Variants in NAV3 observed in about 807,000 individuals in gnomAD.
The protein encoded by NAV3 is neuron navigator 3, also known as pore membrane and/or filament interacting like protein 1.
In NAV3, 87 loss-of-function variants were observed where a neutral mutation model predicts 244.7. The ratio of observed to expected loss-of-function variants is 0.36; its 90% confidence interval spans 0.30 to 0.42. The LOEUF (loss-of-function observed/expected upper bound fraction) is 0.42, where lower values mean the gene tolerates loss of function less well. NAV3 is among the 20% of genes least tolerant of loss of function. NAV3 has a pLI of 1.00. For missense variants in NAV3, 2,663 were observed against 2,893.3 expected, an observed-to-expected ratio of 0.92 and a Z score of 1.83; for synonymous variants, 1,126 against 1,042.2, an observed-to-expected ratio of 1.08 and a Z score of -1.55.
At chr12:77,755,511 G>GCCTTGCCTTGCCTTTCCTTTCCTTT (rs1555201781) in intron 2 of NAV3, among the ~76,000 whole-genome samples, 1 of 17,696 alleles carries the variant, frequency 5.7e-5, no homozygotes, top group Non-Finnish European at 1.0e-4. Context: ...CCCTCCCTGT[G>GCCTTGCCTTGCCTTTCCTTTCCTTT]CCTTTCCTTT....
At position 77,930,986 on chromosome 12, in the gene NAV3, C is replaced by T. The variant is rs571860897; in HGVS notation, c.244-9333C>T. Among the ~76,000 whole-genome samples, 12 of 152,148 alleles carry T rather than the reference C, an allele frequency of 7.9e-5. No homozygotes were observed. The South Asian group carries it at 1.5e-3, about 18-fold the overall frequency. ...TTCTTTGTGCCCCACCCTCCTGAAG[C>T]TTTTAGAATATTCTTTTTATCCCTG... is the stretch of plus-strand genomic sequence containing the variant. On this transcript the variant is annotated intron_variant, in intron 1 of 39. Coordinates refer to ENST00000397909, the MANE Select transcript of NAV3 (RefSeq NM_001024383.2).
At chr12:77,607,871 TGTA>T in intron 2 of NAV3, among the ~76,000 whole-genome samples, 1 of 152,120 alleles carries the variant, frequency 6.6e-6, no homozygotes, top group Admixed American at 6.6e-5. Flanking sequence ...CCCAGCATTT[TGTA>T]AAGTTGCCCC....
chr12:77,692,164 A>T (rs1214720864), intron 2 of NAV3, among the ~76,000 whole-genome samples: 1 of 152,020 alleles, frequency 6.6e-6, no homozygotes, highest in Non-Finnish European at 1.5e-5. Context: ...CAAAAAGAAG[A>T]AGTACTAGGA....
intron 1 of NAV3, among the ~76,000 whole-genome samples, chr12:77,837,173 G>T (rs1388446054): frequency 6.6e-6 from 1 of 151,254 alleles, no homozygotes; most frequent in Non-Finnish European, 1.5e-5. Context: ...TGAGCAGATA[G>T]GACTCAGATA....
chr12:77,755,051 G>A (rs1041385445), intron 2 of NAV3, among the ~76,000 whole-genome samples: 2 of 152,062 alleles, frequency 1.3e-5, no homozygotes, highest in African/African-American at 4.8e-5. Context: ...TTCCAAACCT[G>A]AATAATTTAA....
At position 78,128,734 on chromosome 12, in the gene NAV3, C is replaced by A. The variant is rs779495534; in HGVS notation, c.4309C>A (p.Gln1437Lys). The stretch of plus-strand genomic sequence containing the variant: ...TACCCCATCATCTCGGCAGGCCAAC[C>A]AAGAAGAGGGCAAAGAGTGGTTGCG... Reference protein sequence around the residue: ...RYTPSSRQANQEEGKEWLRSH... With the variant: ...RYTPSSRQANKEEGKEWLRSH... Residue 1437 changes from glutamine (Q) to lysine (K), a missense_variant, in exon 18 of 40, where the codon CAA becomes AAA. Around this residue, in one of 6 missense-constraint regions of NAV3, gnomAD observed 354 missense variants for 413.0 expected, o/e 0.86. Transcript: ENST00000397909. The A allele has an allele frequency of 1.2e-6, 2 of 1,613,942 alleles. No homozygotes were observed. The highest frequency in any genetic ancestry group is 1.7e-6 in the Non-Finnish European group (2 of 1,179,910).
chr12:78,169,110 G>C (rs1282145228), intron 24 of NAV3, among the ~76,000 whole-genome samples: 1 of 151,712 alleles, frequency 6.6e-6, no homozygotes, highest in Non-Finnish European at 1.5e-5. Context: ...CTGATCTTAA[G>C]AAATTTGGTT....
At chr12:77,922,265 TG>T (rs775692319) in intron 1 of NAV3, among the ~76,000 whole-genome samples, 6 of 152,146 alleles carry the variant, frequency 3.9e-5, no homozygotes, top group Non-Finnish European at 8.8e-5. Context: ...GAGGTTTTTT[TG>T]GGTTTTGTTT....
At chr12:78,032,707 G>C (rs1566038857) in intron 9 of NAV3, among the ~76,000 whole-genome samples, 2 of 152,098 alleles carry the variant, frequency 1.3e-5, no homozygotes, top group Non-Finnish European at 2.9e-5. Context: ...CAATATTACA[G>C]TGCTGGCTGA....
chr12:78,181,018 T>C lies in NAV3; in HGVS notation c.5665T>C (p.Leu1889=), dbSNP rs1262631092. The C allele has an allele frequency of 1.9e-6, 3 of 1,613,052 alleles. No individual in the cohort carries two copies. Among genetic ancestry groups the C allele is most frequent in the East Asian group, 2.2e-5 (1 of 44,818 alleles). ...RQSLGLSLNN[L]NITEAVSSDI... is the part of the protein sequence containing the mutation. ...GTCATTAGGACTTTCTCTAAACAAT[T>C]TGAACATCACAGAGGCTGTTAGCTC... Residue 1889 remains leucine, a synonymous_variant, in exon 30 of 40, where the codon TTG becomes CTG. Transcript: ENST00000397909.
chr12:77,990,621 T>C (rs183632509), intron 5 of NAV3, among the ~76,000 whole-genome samples: 1 of 152,336 alleles, frequency 6.6e-6, no homozygotes, highest in African/African-American at 2.4e-5. Flanking sequence ...GTTTCAACAA[T>C]TCAAAATAAT....
At chr12:77,949,635 C>T (rs1890687521) in intron 3 of NAV3, among the ~76,000 whole-genome samples, 1 of 151,878 alleles carries the variant, frequency 6.6e-6, no homozygotes, top group South Asian at 2.1e-4. Flanking sequence ...ATAGCCTCCC[C>T]CAATATCATC....
Position 78,191,294 on chromosome 12 carries a change from T to A in NAV3, c.6291+1075T>A, listed in dbSNP as rs997776711. 7.9e-5 allele frequency among the ~76,000 whole-genome samples: 12 copies of A among 152,164 alleles called. 1 individual carries two copies. On this transcript the variant is annotated intron_variant, in intron 34 of 39. Coordinates refer to ENST00000397909, the MANE Select transcript of NAV3 (RefSeq NM_001024383.2). ...AAATGAGTGTGTATATGCATGTGTG[T>A]GTCTGTGTGTGTGTGAGAGAGACAG...
chr12:77,585,528 G>C (rs1010191116), intron 2 of NAV3, among the ~76,000 whole-genome samples: 2 of 151,780 alleles, frequency 1.3e-5, no homozygotes, highest in Admixed American at 6.6e-5. Context: ...GATAGGACGG[G>C]GGAAGGGTAT....
At chr12:77,983,565 G>A (rs1458102619) in intron 5 of NAV3, among the ~76,000 whole-genome samples, 1 of 152,108 alleles carries the variant, frequency 6.6e-6, no homozygotes, top group Non-Finnish European at 1.5e-5. Context: ...TAGGAGAGAA[G>A]CCAGAGCCAG....
At chr12:78,042,241 T>C (rs1880987533) in intron 9 of NAV3, among the ~76,000 whole-genome samples, 1 of 152,202 alleles carries the variant, frequency 6.6e-6, no homozygotes, top group African/African-American at 2.4e-5. Flanking sequence ...ATCAACAAAA[T>C]GGCTTAAGGA....
At chr12:78,206,166 G>GTATA (rs142385672) in intron 39 of NAV3, among the ~76,000 whole-genome samples, 1 of 151,940 alleles carries the variant, frequency 6.6e-6, no homozygotes, top group Non-Finnish European at 1.5e-5. Flanking sequence ...AATCACTGAA[G>GTATA]TATATATATA....
chr12:78,116,870 C>A lies in NAV3; in HGVS notation c.2735C>A (p.Ser912Tyr), dbSNP rs747470589. 2 of 1,613,302 alleles carry A rather than the reference C, an allele frequency of 1.2e-6. No individual in the cohort carries two copies. The highest frequency in any genetic ancestry group is 3.3e-5 in the Admixed American group (2 of 59,972). The change falls in exon 13 of 40, where the codon TCC becomes TAC. Residue 912 changes from serine to tyrosine, a missense_variant. Transcript: ENST00000397909. ...LNTTSSVSSY[S>Y]NITVPSRKNT... ...ACCACATCCTCTGTCAGCTCTTACT[C>A]CAACATCACCGTCCCCTCTAGGAAG...
chr12:78,095,333 AAG>A (rs1382920132), intron 12 of NAV3, among the ~76,000 whole-genome samples: 6 of 152,082 alleles, frequency 3.9e-5, no homozygotes, highest in African/African-American at 1.4e-4. Context: ...TCAACTCTTG[AAG>A]AGAGAGCAAG....
Sources: allele counts gnomAD v4.1 joint callset (sites outside exome capture counted in the v4.1 genomes callset), GRCh38; gene constraint gnomAD v4.1.1; regional missense constraint gnomAD v4.1.1; transcripts MANE v1.5; gene names NCBI Gene and HGNC (gene_info 2026-07-23, HGNC 2026-07-21).